PCDHA8: variants seen among roughly 807,000 people sequenced by gnomAD.
PCDHA8 encodes protocadherin alpha-8.
Under a neutral mutation model 61.8 loss-of-function variants are expected in PCDHA8, and 53 were observed. That is an observed-to-expected ratio of 0.86 (90% CI 0.69 to 1.08). The LOEUF (loss-of-function observed/expected upper bound fraction) is 1.08. Among genes scored for constraint, PCDHA8 ranks in the 50% least tolerant of loss-of-function variants. PCDHA8 has a pLI of 0.00. For missense variants in PCDHA8, 1,293 were observed against 1,245.0 expected, an observed-to-expected ratio of 1.04 and a Z score of -0.58; for synonymous variants, 618 against 556.6, an observed-to-expected ratio of 1.11 and a Z score of -1.55.
At chr5:140,921,473 C>T (rs2080232887) in intron 1 of PCDHA8, among the ~76,000 whole-genome samples, 1 of 152,186 alleles carries the variant, frequency 6.6e-6, no homozygotes, top group African/African-American at 2.4e-5. Flanking sequence ...CACTACCAAA[C>T]CACTCTACCT....
At chr5:140,890,738 A>G (rs1283898948) in intron 1 of PCDHA8, among the ~76,000 whole-genome samples, 1 of 152,200 alleles carries the variant, frequency 6.6e-6, no homozygotes. Context: ...TGACTTATAT[A>G]CTATTTCTGT....
At chr5:140,848,386 TC>T in intron 1 of PCDHA8, 1 of 1,217,430 alleles carries the variant, frequency 8.2e-7, no homozygotes, top group Non-Finnish European at 1.2e-6. Context: ...TTTTTCACTC[TC>T]TCTGTGCTGA....
chr5:140,882,049 T>C, intron 1 of PCDHA8: 1 of 752,814 alleles, frequency 1.3e-6, no homozygotes, highest in Non-Finnish European at 2.1e-6. Flanking sequence ...TGAGTCATAC[T>C]TACACTTACA....
intron 1 of PCDHA8, chr5:140,969,571 G>A: frequency 9.5e-7 from 1 of 1,050,970 alleles, no homozygotes; most frequent in Non-Finnish European, 1.3e-6. Context: ...AATTGTTTGA[G>A]AAGTGAGGAT....
At chr5:140,978,594 G>C (rs184264823) in intron 1 of PCDHA8, among the ~76,000 whole-genome samples, 31 of 152,288 alleles carry the variant, frequency 2.0e-4, no homozygotes, top group African/African-American at 7.5e-4. Flanking sequence ...CCCTTAATGG[G>C]GCACTTGAGG....
chr5:140,912,744 T>A (rs944833912), intron 1 of PCDHA8, among the ~76,000 whole-genome samples: 1 of 152,188 alleles, frequency 6.6e-6, no homozygotes, highest in Non-Finnish European at 1.5e-5. Context: ...TGTGGGTCTG[T>A]CATAGATGGC....
chr5:140,938,807 A>G (rs1253557528), intron 1 of PCDHA8, among the ~76,000 whole-genome samples: 1 of 152,020 alleles, frequency 6.6e-6, no homozygotes, highest in Non-Finnish European at 1.5e-5. Context: ...GGTACCACAA[A>G]CCCCTGTGAC....
Position 140,841,896 on chromosome 5 carries a change from T to C in PCDHA8, c.575T>C (p.Val192Ala), listed in dbSNP as rs2150325058. The C allele has an allele frequency of 8.7e-6, 14 of 1,613,838 alleles. No individual in the cohort carries two copies. The highest frequency in any genetic ancestry group is 1.0e-5 in the Non-Finnish European group (12 of 1,179,834). ...TCAAAGAACGATGAGAATAAACTGGTTGAGCTCGTATTAAGAAAATCCTTG... is the reference window on the plus strand; with the variant it reads ...TCAAAGAACGATGAGAATAAACTGGCTGAGCTCGTATTAAGAAAATCCTTG... Reference protein sequence around the residue: ...VNSKNDENKLVELVLRKSLDR... With the variant: ...VNSKNDENKLAELVLRKSLDR... Residue 192 changes from valine (V) to alanine (A), a missense_variant, in exon 1 of 4, where the codon GTT (valine) becomes GCT (alanine). Coordinates refer to ENST00000531613, the MANE Select transcript of PCDHA8 (RefSeq NM_018911.3).
chr5:140,965,648 GA>G (rs2095919572), intron 1 of PCDHA8, among the ~76,000 whole-genome samples: 1 of 152,128 alleles, frequency 6.6e-6, no homozygotes, highest in Non-Finnish European at 1.5e-5. Context: ...ACTCTTGAAA[GA>G]AAATGTCTTG....
Position 140,848,482 on chromosome 5 carries a change from A to G in PCDHA8, c.2394+4767A>G, listed in dbSNP as rs1562444784. ...GGCAATTTTCACTAATTAGAAGAAG[A>G]CTGAGTATTTGAAATGTTATACTCA... On this transcript the variant is annotated intron_variant, in intron 1 of 3. Transcript: ENST00000531613. 3 of 1,569,886 alleles carry G rather than the reference A, an allele frequency of 1.9e-6. 1 individual carries two copies. In the African/African-American group the frequency reaches 4.1e-5, roughly 21 times the overall value.
In PCDHA8 at chr5:140,967,411, A is replaced by T. The variant is rs142102675; in HGVS notation, c.2395-11538A>T. The T allele has an allele frequency of 4.6e-5, 74 of 1,613,220 alleles. No individual in the cohort carries two copies. The African/African-American group carries it at 9.5e-4, about 21-fold the overall frequency. On this transcript the variant is annotated intron_variant, in intron 1 of 3. Coordinates refer to ENST00000531613, the MANE Select transcript of PCDHA8 (RefSeq NM_018911.3). The stretch of plus-strand genomic sequence containing the variant: ...TTGAGCTGGTGCTGCGTAAGGGCCT[A>T]GACCGGGAGCAGGCAGCCTTGCACC...
At chr5:140,971,977 G>A (rs891260348) in intron 1 of PCDHA8, among the ~76,000 whole-genome samples, 1 of 152,022 alleles carries the variant, frequency 6.6e-6, no homozygotes, top group Non-Finnish European at 1.5e-5. Context: ...AATACTATGA[G>A]TAGACAGAAG....
At chr5:140,899,175 C>G (rs1219166721) in intron 1 of PCDHA8, among the ~76,000 whole-genome samples, 2 of 152,034 alleles carry the variant, frequency 1.3e-5, no homozygotes, top group African/African-American at 4.8e-5. Flanking sequence ...AATTGAATAC[C>G]CTTTATTTCC....
At chr5:140,870,839 T>C (rs1358609489) in intron 1 of PCDHA8, 3 of 1,613,690 alleles carry the variant, frequency 1.9e-6, no homozygotes, top group South Asian at 1.1e-5. Flanking sequence ...GTTAACAAGC[T>C]AGTACCGCGG....
At chr5:140,880,737 G>T (rs139077188) in intron 1 of PCDHA8, among the ~76,000 whole-genome samples, 1 of 152,304 alleles carries the variant, frequency 6.6e-6, no homozygotes, top group Non-Finnish European at 1.5e-5. Flanking sequence ...TAGAGAAAAT[G>T]GATTGTCAGT....
chr5:140,944,097 A>G lies in PCDHA8; in HGVS notation c.2395-34852A>G, dbSNP rs2093609741. On this transcript the variant is annotated intron_variant, in intron 1 of 3. Coordinates refer to ENST00000531613, the MANE Select transcript of PCDHA8 (RefSeq NM_018911.3). ...ATAAAGGAGGCCTGAGTAAGTTTAT[A>G]TCTCATGGGAAAATGGTACCAGAGA... is the stretch of plus-strand genomic sequence containing the variant. Among the ~76,000 whole-genome samples, 3 of 152,244 alleles carry G rather than the reference A, an allele frequency of 2.0e-5. No individual in the cohort carries two copies. In the South Asian group the frequency reaches 6.2e-4, roughly 31 times the overall value.
chr5:140,850,829 T>C (rs1431549655), intron 1 of PCDHA8: 6 of 1,597,986 alleles, frequency 3.8e-6, no homozygotes, highest in Non-Finnish European at 4.3e-6. Context: ...GCCTTTCTCC[T>C]TGTGCTGGAT....
chr5:140,876,106 C>G, intron 1 of PCDHA8: 1 of 1,613,942 alleles, frequency 6.2e-7, no homozygotes, highest in Admixed American at 1.7e-5. Context: ...CAATTTATTG[C>G]TGATGGTAAT....
chr5:140,876,774 G>A lies in PCDHA8; in HGVS notation c.2394+33059G>A, dbSNP rs370558767. 5.3e-5 allele frequency: 85 copies of A among 1,614,110 alleles called. No homozygotes were observed. The South Asian group carries it at 8.5e-4, about 16-fold the overall frequency. ...CTGCGCGGGATGGGGGCTCGCCTTC[G>A]CTGTGGGCCACGGCTAGAGTGTCCG... is the stretch of plus-strand genomic sequence containing the variant. On this transcript the variant is annotated intron_variant, in intron 1 of 3. Coordinates refer to ENST00000531613, the MANE Select transcript of PCDHA8 (RefSeq NM_018911.3).
Sources: gnomAD v4.1 joint callset for allele counts (sites outside exome capture counted in the v4.1 genomes callset) on GRCh38, gnomAD v4.1.1 for gene constraint, MANE v1.5 for transcripts, NCBI Gene and HGNC (gene_info 2026-07-23, HGNC 2026-07-21) for gene names.